Variants in TMEM132D observed in about 807,000 individuals in gnomAD.
The protein encoded by TMEM132D is mature OL transmembrane protein.
Under a neutral mutation model 62.3 loss-of-function variants are expected in TMEM132D, and 21 were observed. The observed-to-expected ratio is 0.34, with a 90% CI of 0.24 to 0.49. The LOEUF (loss-of-function observed/expected upper bound fraction) is 0.49. Among genes scored for constraint, TMEM132D ranks in the 20% least tolerant of loss-of-function variants. TMEM132D has a pLI of 0.99. For missense variants in TMEM132D, 1,346 were observed against 1,402.8 expected (o/e 0.96, Z 0.65); for synonymous variants, 621 against 575.6 (o/e 1.08, Z -1.13).
intron 3 of TMEM132D, among the ~76,000 whole-genome samples, chr12:129,349,102 T>G (rs1208124604): frequency 1.3e-5 from 2 of 152,212 alleles, no homozygotes; most frequent in Non-Finnish European, 1.5e-5. Context: ...CCACTCCCTG[T>G]TGGGAAAGGA....
Position 129,388,584 on chromosome 12 carries a change from C to G in TMEM132D, c.1116-50767G>C, listed in dbSNP as rs773873413. Among the ~76,000 whole-genome samples the G allele has an allele frequency of 1.1e-3, 114 of 101,636 alleles. 10 individuals carry two copies. The highest frequency in any genetic ancestry group is 2.2e-3 in the Non-Finnish European group (100 of 45,398). 66.7% of individuals were successfully genotyped at this position (101,636 alleles called of 152,430 possible). On this transcript the variant is annotated intron_variant, in intron 3 of 8. Transcript: ENST00000422113. Reference sequence around the variant, plus strand: ...ATGAATCCTAATATAAACACTAACACCGACACCAATACTAACACCAACACC... The same window carrying G: ...ATGAATCCTAATATAAACACTAACAGCGACACCAATACTAACACCAACACC...
intron 5 of TMEM132D, among the ~76,000 whole-genome samples, chr12:129,086,691 CAT>C (rs1874632556): frequency 1.1e-5 from 1 of 87,848 alleles, no homozygotes; most frequent in Non-Finnish European, 2.1e-5. Context: ...AAATTTGTAT[CAT>C]ATATACAAAC....
intron 4 of TMEM132D, chr12:129,262,524 C>G (rs1226817375): frequency 6.6e-6 from 1 of 152,230 alleles, no homozygotes; most frequent in African/African-American, 2.4e-5. Context: ...TCTGAAGCAA[C>G]AGCAGATGTT....
intron 4 of TMEM132D, among the ~76,000 whole-genome samples, chr12:129,269,031 AG>A (rs375312750): frequency 0.15 from 7,271 of 48,404 alleles, 363 homozygotes; most frequent in Admixed American, 0.33. Flanking sequence ...GGGTGGGGGG[AG>A]GGGGGAGGGA....
chr12:129,656,124 T>A lies in TMEM132D; in HGVS notation c.968+43686A>T, dbSNP rs1253307336. On this transcript the variant is annotated intron_variant, in intron 2 of 8. Transcript: ENST00000422113. ...GAAAGGCCATAAATTCCATTTACTA[T>A]CCAGCAACTCACGTTTCCCAAACAT... Among the ~76,000 whole-genome samples, 10 of 152,258 alleles carry A rather than the reference T, an allele frequency of 6.6e-5. No individual in the cohort carries two copies. The East Asian group carries it at 1.9e-3, about 29-fold the overall frequency.
rs544635296 is a variant in TMEM132D at position 129,818,098 on chromosome 12, G to A, written c.79+85163C>T. ...GGTGTGTGTGGTGTGGGGTGTGTGCGTTTCTATGTATGTGTATCTGTATGT... is the reference window on the plus strand; with the variant it reads ...GGTGTGTGTGGTGTGGGGTGTGTGCATTTCTATGTATGTGTATCTGTATGT... On this transcript the variant is annotated intron_variant, in intron 1 of 8. Coordinates refer to ENST00000422113, the MANE Select transcript of TMEM132D (RefSeq NM_133448.3). 1.3e-4 allele frequency among the ~76,000 whole-genome samples: 19 copies of A among 146,916 alleles called. No individual in the cohort carries two copies. In the South Asian group the frequency reaches 2.7e-3, roughly 21 times the overall value.
chr12:129,598,698 G>A (rs902963402), intron 2 of TMEM132D, among the ~76,000 whole-genome samples: 4 of 152,198 alleles, frequency 2.6e-5, no homozygotes, highest in Non-Finnish European at 5.9e-5. Flanking sequence ...AAACAGGCAC[G>A]GAATAGTCAC....
intron 2 of TMEM132D, among the ~76,000 whole-genome samples, chr12:129,687,339 CAT>C (rs1289728056): frequency 6.6e-6 from 1 of 152,060 alleles, no homozygotes; most frequent in African/African-American, 2.4e-5. Context: ...TAATCTCTAC[CAT>C]AGAGATGGTA....
In TMEM132D at chr12:129,867,999, CG is replaced by C. The variant is rs1874109204; in HGVS notation, c.79+35261del. On this transcript the variant is annotated intron_variant, in intron 1 of 8. Transcript: ENST00000422113. The surrounding 1 kb of genome is among the most constrained non-coding windows in gnomAD (Gnocchi z 4.5). ...GCATTTGTACGGTACACACATGAGG[CG>C]GCGTTTCTATGGTACATACATGAGG... 7.1e-6 allele frequency among the ~76,000 whole-genome samples: 1 copy of C among 141,046 alleles called. No individual in the cohort carries two copies. The highest frequency in any genetic ancestry group is 1.6e-5 in the Non-Finnish European group (1 of 64,384). 92.5% of individuals were successfully genotyped at this position (141,046 alleles called of 152,430 possible).
intron 1 of TMEM132D, among the ~76,000 whole-genome samples, chr12:129,716,314 T>G (rs181670470): frequency 6.6e-6 from 1 of 152,254 alleles, no homozygotes; most frequent in East Asian, 1.9e-4. Flanking sequence ...AGGCACATGC[T>G]CTGGCTCAGT....
At chr12:129,755,070 C>T (rs2137270420) in intron 1 of TMEM132D, among the ~76,000 whole-genome samples, 1 of 152,314 alleles carries the variant, frequency 6.6e-6, no homozygotes, top group African/African-American at 2.4e-5. Flanking sequence ...AGGATTATTT[C>T]ATTATCTAGG....
chr12:129,153,319 T>C (rs1398783117), intron 5 of TMEM132D, among the ~76,000 whole-genome samples: 2 of 152,292 alleles, frequency 1.3e-5, no homozygotes, highest in South Asian at 2.1e-4. Flanking sequence ...GCTCACCAAA[T>C]GCAGAATTTA....
chr12:129,382,263 G>T (rs2135687909), intron 3 of TMEM132D, among the ~76,000 whole-genome samples: 1 of 152,066 alleles, frequency 6.6e-6, no homozygotes, highest in East Asian at 1.9e-4. Context: ...TTTTAATCAA[G>T]ATTAGAAGAT....
intron 5 of TMEM132D, among the ~76,000 whole-genome samples, chr12:129,102,469 A>G (rs1456670455): frequency 6.9e-6 from 1 of 145,546 alleles, no homozygotes; most frequent in Non-Finnish European, 1.5e-5. Context: ...ATGCATACAC[A>G]TGTACTCACA....
Position 129,463,473 on chromosome 12 carries a change from T to TTTATG in TMEM132D, c.1115+67585_1115+67586insCATAA, listed in dbSNP as rs1555258190. On this transcript the variant is annotated intron_variant, in intron 3 of 8. Transcript: ENST00000422113. ...ATTTATTTATTTATTTATTTATGTA[T>TTTATG]TATTATTATTATTATTATACTTTAA... Among the ~76,000 whole-genome samples the TTTATG allele has an allele frequency of 4.6e-3, 414 of 90,386 alleles. 1 individual carries two copies. The highest frequency in any genetic ancestry group is 7.1e-3 in the Middle Eastern group (1 of 140). The allele number at this position is 90,386 out of a possible 152,430, so 59.3% of individuals were successfully genotyped here. A position where few individuals can be genotyped will look rare whatever the true frequency, so the allele number is the denominator to read the frequency against.
intron 1 of TMEM132D, among the ~76,000 whole-genome samples, chr12:129,772,263 A>G (rs1870779752): frequency 6.6e-6 from 1 of 152,204 alleles, no homozygotes; most frequent in African/African-American, 2.4e-5. Flanking sequence ...ATTGATTAAG[A>G]TATGCATCAA....
chr12:129,725,823 C>T (rs1331462942), intron 1 of TMEM132D, among the ~76,000 whole-genome samples: 1 of 152,180 alleles, frequency 6.6e-6, no homozygotes, highest in African/African-American at 2.4e-5. Context: ...GCAAGGTTGG[C>T]CCTTGGCTGA....
chr12:129,898,572 G>T (rs56205552), intron 1 of TMEM132D, among the ~76,000 whole-genome samples: 1 of 152,208 alleles, frequency 6.6e-6, no homozygotes, highest in Non-Finnish European at 1.5e-5. Flanking sequence ...CAGTCCATCC[G>T]GTAACGCCAG....
At chr12:129,727,274 T>C (rs1246557719) in intron 1 of TMEM132D, among the ~76,000 whole-genome samples, 1 of 152,212 alleles carries the variant, frequency 6.6e-6, no homozygotes, top group Non-Finnish European at 1.5e-5. Flanking sequence ...AGCATGGCAC[T>C]GGCATCCTGC....
Sources: allele counts gnomAD v4.1 joint callset (sites outside exome capture counted in the v4.1 genomes callset), GRCh38; gene constraint gnomAD v4.1.1; non-coding constraint Gnocchi (gnomAD v3.1); transcripts MANE v1.5; gene names NCBI Gene and HGNC (gene_info 2026-07-23, HGNC 2026-07-21).